Variants in SLCO2B1 observed in about 807,000 individuals in gnomAD.
The protein encoded by SLCO2B1 is solute carrier organic anion transporter family member 2B1, also known as OATP-RP2.
SLCO2B1 carries 41 observed loss-of-function variants against 67.3 expected under a neutral mutation model. That is an observed-to-expected ratio of 0.61 (90% confidence interval 0.47 to 0.79). SLCO2B1 has a LOEUF of 0.79. Ranked by LOEUF, SLCO2B1 falls within the 30% of genes least tolerant of loss-of-function variation. The pLI, the probability that SLCO2B1 is intolerant of heterozygous loss-of-function variation, is 0.00. For missense variants in SLCO2B1, 837 were observed against 920.1 expected (o/e 0.91, Z 1.17); for synonymous variants, 379 against 381.4 (o/e 0.99, Z 0.07).
intron 7 of SLCO2B1, among the ~76,000 whole-genome samples, chr11:75,186,327 G>GC (rs2140330472): frequency 6.6e-6 from 1 of 151,774 alleles, no homozygotes; most frequent in African/African-American, 2.4e-5. Flanking sequence ...TCCTGCCTCA[G>GC]CCCCCCTAGT....
At chr11:75,178,091 C>G (rs996236910) in intron 7 of SLCO2B1, among the ~76,000 whole-genome samples, 5 of 132,934 alleles carry the variant, frequency 3.8e-5, no homozygotes, top group African/African-American at 1.3e-4. Flanking sequence ...AAGATTCCAT[C>G]TCAAAAAAAA....
intron 6 of SLCO2B1, among the ~76,000 whole-genome samples, chr11:75,171,166 C>A (rs1300023630): frequency 6.6e-6 from 1 of 152,224 alleles, no homozygotes; most frequent in Admixed American, 6.5e-5. Flanking sequence ...TTGCTAAGTG[C>A]CAACTGAGTC....
intron 6 of SLCO2B1, among the ~76,000 whole-genome samples, chr11:75,170,441 C>G (rs1205885802): frequency 6.6e-6 from 1 of 152,024 alleles, no homozygotes; most frequent in East Asian, 1.9e-4. Context: ...GTTGGGGGTT[C>G]CAGGGTTCTG....
chr11:75,159,578 C>T (rs1019153068), intron 1 of SLCO2B1, among the ~76,000 whole-genome samples: 5 of 152,172 alleles, frequency 3.3e-5, no homozygotes, highest in South Asian at 2.1e-4. Flanking sequence ...GTCAGGGAGG[C>T]GAAGGTTTGC....
intron 1 of SLCO2B1, chr11:75,159,724 TG>T: frequency 2.6e-6 from 1 of 377,736 alleles, no homozygotes; most frequent in Non-Finnish European, 3.7e-6. Context: ...CGGAGGAATG[TG>T]GCCAGTGCTT....
chr11:75,170,999 G>T (rs1173612963), intron 6 of SLCO2B1, among the ~76,000 whole-genome samples: 1 of 152,208 alleles, frequency 6.6e-6, no homozygotes, highest in African/African-American at 2.4e-5. Flanking sequence ...CATGCTAGCT[G>T]CAGGCACAGA....
At chr11:75,188,386 C>T (rs1944968964) in intron 8 of SLCO2B1, 148 bp downstream of exon 8, 1 of 621,354 alleles carries the variant, frequency 1.6e-6, no homozygotes, top group Middle Eastern at 3.4e-4. Context: ...AGTCTTTGCA[C>T]ATGCAATCCT....
intron 10 of SLCO2B1, among the ~76,000 whole-genome samples, chr11:75,198,868 C>T (rs1405986107): frequency 6.6e-6 from 1 of 152,148 alleles, no homozygotes; most frequent in Non-Finnish European, 1.5e-5. Flanking sequence ...GCTGAATGCT[C>T]TGGGGGAATG....
At chr11:75,198,866 C>T (rs1339077706) in intron 10 of SLCO2B1, among the ~76,000 whole-genome samples, 2 of 152,160 alleles carry the variant, frequency 1.3e-5, no homozygotes, top group Admixed American at 6.5e-5. Flanking sequence ...GAGCTGAATG[C>T]TCTGGGGGAA....
At chr11:75,197,253 A>G (rs1945113982) in intron 10 of SLCO2B1, among the ~76,000 whole-genome samples, 1 of 152,228 alleles carries the variant, frequency 6.6e-6, no homozygotes, top group African/African-American at 2.4e-5. Context: ...TGATAGGTAA[A>G]ACAACTGGTC....
rs965219406 is a variant in SLCO2B1 at position 75,165,767 on chromosome 11, G to A, written c.286-20G>A. The A allele has an allele frequency of 6.2e-7, 1 of 1,613,526 alleles. No individual in the cohort carries two copies. On this transcript the variant is annotated intron_variant, in intron 3 of 13. Transcript: ENST00000289575. Reference sequence around the variant, plus strand: ...CCTGGGAACTGTTCCACCTTAATGGGTCACCTCGTCCTTTTGCAGGTGGGG... The same window carrying A: ...CCTGGGAACTGTTCCACCTTAATGGATCACCTCGTCCTTTTGCAGGTGGGG...
At chr11:75,203,596 C>T (rs1305598844) in intron 13 of SLCO2B1, 169 bp downstream of exon 13, 2 of 779,506 alleles carry the variant, frequency 2.6e-6, no homozygotes, top group Non-Finnish European at 4.0e-6. Flanking sequence ...AACACTGCCC[C>T]CCTCCTTTTA....
Position 75,204,666 on chromosome 11 carries a change from C to A in SLCO2B1, c.*86C>A. ...TTTGCCCAAGATTGGGTGTCAAGAG[C>A]CCTGTGTTCCATTCTGGCTCCTCCA... On this transcript the variant is annotated 3_prime_UTR_variant, in exon 14 of 14. Coordinates refer to ENST00000289575, the MANE Select transcript of SLCO2B1 (RefSeq NM_007256.5). The A allele has an allele frequency of 8.1e-7, 1 of 1,228,952 alleles. No individual in the cohort carries two copies. Among genetic ancestry groups the A allele is most frequent in the Non-Finnish European group, 1.1e-6 (1 of 899,892 alleles). 76.1% of individuals were successfully genotyped at this position (1,228,952 alleles called of 1,614,324 possible). A position where few individuals can be genotyped will look rare whatever the true frequency, so the allele number is the denominator to read the frequency against.
At chr11:75,153,157 CCT>C (rs1361895870) in intron 1 of SLCO2B1, among the ~76,000 whole-genome samples, 2 of 152,198 alleles carry the variant, frequency 1.3e-5, no homozygotes, top group African/African-American at 2.4e-5. Flanking sequence ...TGACATTTGC[CCT>C]GTTTTCCAAC....
intron 7 of SLCO2B1, among the ~76,000 whole-genome samples, chr11:75,185,349 C>T (rs1287407060): frequency 1.3e-5 from 2 of 152,170 alleles, no homozygotes; most frequent in African/African-American, 4.8e-5. Flanking sequence ...CAAATGAGTG[C>T]TCTCCAGCCC....
chr11:75,199,330 G>C (rs1945148511), intron 10 of SLCO2B1, among the ~76,000 whole-genome samples: 1 of 152,092 alleles, frequency 6.6e-6, no homozygotes, highest in Non-Finnish European at 1.5e-5. Flanking sequence ...GCCTTTGTCT[G>C]ATTCCACCTG....
chr11:75,196,757 C>A, intron 10 of SLCO2B1, 78 bp downstream of exon 10: 1 of 1,317,950 alleles, frequency 7.6e-7, no homozygotes, highest in East Asian at 2.4e-5. Context: ...TCATACTCTC[C>A]ACTTCTGCAT....
At chr11:75,194,513 T>C (rs1180703854) in intron 9 of SLCO2B1, among the ~76,000 whole-genome samples, 1 of 151,960 alleles carries the variant, frequency 6.6e-6, no homozygotes, top group Admixed American at 6.6e-5. Context: ...TCCCCGTCTG[T>C]CCCAGGTCCC....
At chr11:75,159,340 G>A (rs1021551751) in intron 1 of SLCO2B1, among the ~76,000 whole-genome samples, 1 of 152,222 alleles carries the variant, frequency 6.6e-6, no homozygotes, top group Non-Finnish European at 1.5e-5. Flanking sequence ...CTGGGAGAGA[G>A]AGGGACTGGG....
Sources: gnomAD v4.1 joint callset for allele counts (sites outside exome capture counted in the v4.1 genomes callset) on GRCh38, gnomAD v4.1.1 for gene constraint, MANE v1.5 for transcripts, NCBI Gene and HGNC (gene_info 2026-07-23, HGNC 2026-07-21) for gene names.